The following CDH13 variants were observed in gnomAD, a reference collection of about 807,000 sequenced individuals.
CDH13 encodes the protein cadherin-13.
A neutral mutation model predicts 63.8 loss-of-function variants in CDH13; 24 were observed. That is an observed-to-expected ratio of 0.38 (90% confidence interval 0.27 to 0.53). The LOEUF (loss-of-function observed/expected upper bound fraction) is 0.53. CDH13 is among the 20% of genes least tolerant of loss of function. The pLI is 0.85. For synonymous variants in CDH13, 503 were observed against 355.3 expected (o/e 1.42, Z -4.67); for missense variants, 1,049 against 903.1 (o/e 1.16, Z -2.07).
At chr16:82,671,217 CTG>C (rs1913204735) in intron 1 of CDH13, among the ~76,000 whole-genome samples, 1 of 152,178 alleles carries the variant, frequency 6.6e-6, no homozygotes, top group Non-Finnish European at 1.5e-5. Context: ...AAGAACACAA[CTG>C]TGTAAGTCAC....
intron 6 of CDH13, among the ~76,000 whole-genome samples, chr16:83,412,456 G>A (rs919642825): frequency 1.9e-4 from 29 of 151,832 alleles, no homozygotes; most frequent in Admixed American, 2.0e-4. Context: ...AGTTAGACTA[G>A]GTCTCAAAAA....
At chr16:83,724,897 C>G (rs1194522516) in intron 10 of CDH13, among the ~76,000 whole-genome samples, 1 of 152,182 alleles carries the variant, frequency 6.6e-6, no homozygotes, top group East Asian at 1.9e-4. Flanking sequence ...TTTCTTCCAG[C>G]TGCAGGATCA....
At chr16:83,012,116 T>C (rs796110740) in intron 2 of CDH13, among the ~76,000 whole-genome samples, 67 of 152,296 alleles carry the variant, frequency 4.4e-4, no homozygotes, top group African/African-American at 1.5e-3. Context: ...TAAAAAACTT[T>C]AGGAATTCAG....
intron 1 of CDH13, among the ~76,000 whole-genome samples, chr16:82,835,079 T>TA (rs1410498632): frequency 6.6e-6 from 1 of 152,240 alleles, no homozygotes; most frequent in East Asian, 1.9e-4. Context: ...TAGTGTGTTT[T>TA]CTTTAACCCA....
chr16:83,654,837 G>T (rs953552771), intron 8 of CDH13: 1 of 152,144 alleles, frequency 6.6e-6, no homozygotes, highest in Non-Finnish European at 1.5e-5. Flanking sequence ...TATGACTCTG[G>T]GTTCTGGAGA....
At chr16:83,210,131 C>A (rs956056710) in intron 4 of CDH13, among the ~76,000 whole-genome samples, 1 of 152,010 alleles carries the variant, frequency 6.6e-6, no homozygotes, top group Admixed American at 6.5e-5. Flanking sequence ...GTGGTGTGAT[C>A]TTGGCTCACT....
At chr16:82,685,605 C>G (rs79963448) in intron 1 of CDH13, among the ~76,000 whole-genome samples, 3,607 of 152,278 alleles carry the variant, frequency 0.024, 57 homozygotes, top group Middle Eastern at 0.054. Flanking sequence ...TGTGTGTGCA[C>G]TTGCACATGT....
At chr16:83,550,560 G>A (rs937365911) in intron 7 of CDH13, among the ~76,000 whole-genome samples, 3 of 152,212 alleles carry the variant, frequency 2.0e-5, no homozygotes, top group African/African-American at 7.2e-5. Flanking sequence ...GCCCATGCAT[G>A]CAAACCAGCA....
At chr16:83,783,555 C>A in intron 13 of CDH13, 83 bp downstream of exon 13, 1 of 999,264 alleles carries the variant, frequency 1.0e-6, no homozygotes, top group South Asian at 1.3e-5. Context: ...TTCCCATATA[C>A]CTTTCCAAGA....
chr16:83,177,106 C>G (rs748782017), intron 4 of CDH13, among the ~76,000 whole-genome samples: 2 of 152,040 alleles, frequency 1.3e-5, no homozygotes, highest in African/African-American at 4.8e-5. Flanking sequence ...CTGGTGTGAC[C>G]GAATAACTGG....
intron 6 of CDH13, among the ~76,000 whole-genome samples, chr16:83,346,462 T>C (rs2090841227): frequency 6.6e-6 from 1 of 152,092 alleles, no homozygotes; most frequent in African/African-American, 2.4e-5. Flanking sequence ...AACAGAAAAA[T>C]GATTCCCAAT....
chr16:82,912,866 C>T (rs920931416), intron 2 of CDH13, among the ~76,000 whole-genome samples: 1 of 151,856 alleles, frequency 6.6e-6, no homozygotes, highest in East Asian at 1.9e-4. Flanking sequence ...TGGCGTGAAC[C>T]CGGGAGGCGG....
intron 7 of CDH13, among the ~76,000 whole-genome samples, chr16:83,588,230 G>T (rs1164780371): frequency 6.6e-6 from 1 of 152,154 alleles, no homozygotes; most frequent in Non-Finnish European, 1.5e-5. Context: ...TCATCACCCT[G>T]CCACGCCCCG....
intron 3 of CDH13, among the ~76,000 whole-genome samples, chr16:83,039,772 C>T (rs1332725842): frequency 6.6e-6 from 1 of 152,116 alleles, no homozygotes; most frequent in African/African-American, 2.4e-5. Context: ...TACCAAATCA[C>T]TTGTGGTTTC....
chr16:82,862,072 A>C (rs2039967113), intron 2 of CDH13, among the ~76,000 whole-genome samples: 1 of 152,196 alleles, frequency 6.6e-6, no homozygotes, highest in Admixed American at 6.5e-5. Flanking sequence ...TCTGAAAGGA[A>C]TCTGTGAAAA....
At chr16:83,338,323 A>G (rs898786290) in intron 5 of CDH13, among the ~76,000 whole-genome samples, 1 of 152,184 alleles carries the variant, frequency 6.6e-6, no homozygotes, top group African/African-American at 2.4e-5. Flanking sequence ...CAGCTGTAAT[A>G]TGCCGGAGAT....
In CDH13 at chr16:83,278,041, A is replaced by C. The variant is rs576770473; in HGVS notation, c.636+60544A>C. 3.3e-5 allele frequency among the ~76,000 whole-genome samples: 5 copies of C among 152,300 alleles called. No individual in the cohort carries two copies. In the East Asian group the frequency reaches 9.7e-4, roughly 29 times the overall value. ...ATTGATAAAAGGTCTCATAGTTCCT[A>C]TTCTCCAAGAAGGCCAAGGTGTTTT... On this transcript the variant is annotated intron_variant, in intron 5 of 13. Coordinates refer to ENST00000567109, the MANE Select transcript of CDH13 (RefSeq NM_001257.5).
intron 8 of CDH13, among the ~76,000 whole-genome samples, chr16:83,628,092 C>A (rs901248023): frequency 2.0e-5 from 3 of 152,186 alleles, no homozygotes; most frequent in Non-Finnish European, 4.4e-5. Context: ...TTCTTTACTG[C>A]AACCTATTTT....
chr16:83,307,182 C>G (rs1342189334), intron 5 of CDH13, among the ~76,000 whole-genome samples: 1 of 152,148 alleles, frequency 6.6e-6, no homozygotes, highest in Non-Finnish European at 1.5e-5. Context: ...ACGCCTGTTC[C>G]CTACCCCCGT....
Sources: allele counts gnomAD v4.1 joint callset (sites outside exome capture counted in the v4.1 genomes callset), GRCh38; gene constraint gnomAD v4.1.1; transcripts MANE v1.5; gene names NCBI Gene and HGNC (gene_info 2026-07-23, HGNC 2026-07-21).